Variants in GNAZ observed in about 807,000 individuals in gnomAD.
GNAZ encodes the protein guanine nucleotide-binding protein G(z) subunit alpha.
In GNAZ, 3 loss-of-function variants were observed where a neutral mutation model predicts 25.4. The ratio of observed to expected loss-of-function variants is 0.12; its 90% CI spans 0.05 to 0.30. The LOEUF is 0.30. GNAZ is among the 10% of genes least tolerant of loss of function. GNAZ has a pLI of 1.00. For missense variants in GNAZ, 241 were observed against 501.8 expected (o/e 0.48, Z 4.97); for synonymous variants, 211 against 205.7 (o/e 1.03, Z -0.22).
At chr22:23,087,665 G>T (rs986083019) in intron 1 of GNAZ, among the ~76,000 whole-genome samples, 5 of 152,220 alleles carry the variant, frequency 3.3e-5, no homozygotes, top group African/African-American at 1.2e-4. Context: ...TGGATGGGGG[G>T]TAGCCAGTGA....
At chr22:23,087,430 C>T (rs1172902494) in intron 1 of GNAZ, among the ~76,000 whole-genome samples, 3 of 152,152 alleles carry the variant, frequency 2.0e-5, no homozygotes, top group Admixed American at 2.0e-4. Context: ...TGCACTGCAG[C>T]TGGGTGACAG....
rs573369811 is a variant in GNAZ at position 23,087,770 on chromosome 22, G to A, written c.-449-7477G>A. On this transcript the variant is annotated intron_variant, in intron 1 of 2. Coordinates refer to ENST00000615612, the MANE Select transcript of GNAZ (RefSeq NM_002073.4). ...CTGCTCAGTCAGTTCCTGGGTGGGG[G>A]CCACAAGATCAGATGAGCCAGTTTA... Among the ~76,000 whole-genome samples, 8 of 152,262 alleles carry A rather than the reference G, an allele frequency of 5.3e-5. No individual in the cohort carries two copies. In the South Asian group the frequency reaches 1.7e-3, roughly 32 times the overall value.
chr22:23,071,272 C>T lies in GNAZ; in HGVS notation c.-450+702C>T, dbSNP rs779482844. Among the ~76,000 whole-genome samples the T allele has an allele frequency of 2.2e-4, 33 of 152,136 alleles. 1 individual carries two copies. The highest frequency in any genetic ancestry group is 3.5e-4 in the Non-Finnish European group (24 of 68,026). ...TGGCGCTCCGTATCCTGCGGGCGAT[C>T]CGAGGGGGCTCTGCCTTTAGGGCGG... On this transcript the variant is annotated intron_variant, in intron 1 of 2. Coordinates refer to ENST00000615612, the MANE Select transcript of GNAZ (RefSeq NM_002073.4). This position sits in a 1 kb window ranked among gnomAD's most constrained non-coding sequence, Gnocchi z 4.1.
intron 1 of GNAZ, among the ~76,000 whole-genome samples, chr22:23,074,769 G>A (rs2068469004): frequency 1.3e-5 from 2 of 152,182 alleles, no homozygotes; most frequent in South Asian, 4.1e-4. Context: ...GGCTGGAGAA[G>A]AGCGGGTCCC....
At chr22:23,086,554 A>G (rs2068825591) in intron 1 of GNAZ, among the ~76,000 whole-genome samples, 1 of 152,210 alleles carries the variant, frequency 6.6e-6, no homozygotes, top group African/African-American at 2.4e-5. Context: ...AGTTGAGGAA[A>G]GCACAGCAGA....
At chr22:23,073,160 CTGCTGACCATGGCAGG>C (rs1211404976) in intron 1 of GNAZ, among the ~76,000 whole-genome samples, 1 of 152,260 alleles carries the variant, frequency 6.6e-6, no homozygotes, top group African/African-American at 2.4e-5. Flanking sequence ...ACTCTCACTG[CTGCTGACCATGGCAGG>C]TGCACGGGCA....
intron 1 of GNAZ, among the ~76,000 whole-genome samples, chr22:23,081,821 C>CA (rs55713577): frequency 0.16 from 7,377 of 46,502 alleles, 735 homozygotes; most frequent in Non-Finnish European, 0.19. Flanking sequence ...GATTCCATCT[C>CA]AAAAAAAAAA....
At chr22:23,118,589 G>A (rs78148952) in intron 2 of GNAZ, among the ~76,000 whole-genome samples, 3,741 of 152,196 alleles carry the variant, frequency 0.025, 154 homozygotes, top group African/African-American at 0.086. Context: ...ACTGCACCCT[G>A]GGGAGTCAGC....
chr22:23,081,655 C>G (rs1236917702), intron 1 of GNAZ, among the ~76,000 whole-genome samples: 1 of 151,748 alleles, frequency 6.6e-6, no homozygotes, highest in Non-Finnish European at 1.5e-5. Flanking sequence ...AACCCTGTCT[C>G]TACTAAAAAT....
chr22:23,100,065 C>A (rs565446394), intron 2 of GNAZ, among the ~76,000 whole-genome samples: 87 of 152,398 alleles, frequency 5.7e-4, no homozygotes, highest in African/African-American at 2.0e-3. Context: ...GAGCTGTCAG[C>A]ATTCCCAGCC....
intron 2 of GNAZ, among the ~76,000 whole-genome samples, chr22:23,102,811 C>T (rs1478661730): frequency 6.6e-6 from 1 of 152,254 alleles, no homozygotes. Context: ...CACTCTGTCT[C>T]TTCCACCATG....
chr22:23,097,299 T>A (rs1163119588), intron 2 of GNAZ, among the ~76,000 whole-genome samples: 4 of 152,236 alleles, frequency 2.6e-5, no homozygotes. Flanking sequence ...AGGTCACTCC[T>A]TGCTTCACCC....
intron 1 of GNAZ, among the ~76,000 whole-genome samples, chr22:23,093,884 C>T (rs1217991772): frequency 6.6e-6 from 1 of 152,168 alleles, no homozygotes; most frequent in Non-Finnish European, 1.5e-5. Flanking sequence ...AGAACCTCTG[C>T]CCAGGGAGAG....
chr22:23,081,959 A>G (rs2068691474), intron 1 of GNAZ, among the ~76,000 whole-genome samples: 1 of 150,804 alleles, frequency 6.6e-6, no homozygotes, highest in South Asian at 2.1e-4. Context: ...CCTCATCTCT[A>G]CTAAAAATAC....
At chr22:23,108,881 C>A (rs958438213) in intron 2 of GNAZ, among the ~76,000 whole-genome samples, 2 of 152,208 alleles carry the variant, frequency 1.3e-5, no homozygotes, top group African/African-American at 4.8e-5. Flanking sequence ...AGGGTTTTGC[C>A]ATGCTCTTCT....
intron 1 of GNAZ, among the ~76,000 whole-genome samples, chr22:23,079,804 A>G (rs1219513657): frequency 6.6e-6 from 1 of 152,132 alleles, no homozygotes; most frequent in African/African-American, 2.4e-5. Flanking sequence ...TCCAGCCACA[A>G]CCTGTGGTGC....
chr22:23,124,994 AG>A lies in GNAZ; in HGVS notation c.*1565del, dbSNP rs1001579177. On this transcript the variant is annotated 3_prime_UTR_variant, in exon 3 of 3. Transcript: ENST00000615612. ...AAGCTGGGGATTGGATGAAAGTCAAAGGTTGTCTACTTTAAGAAAATAAAAT... is the reference window on the plus strand; with the variant it reads ...AAGCTGGGGATTGGATGAAAGTCAAAGTTGTCTACTTTAAGAAAATAAAAT... 1.1e-4 allele frequency: 17 copies of A among 152,410 alleles called. No individual in the cohort carries two copies. Among genetic ancestry groups the A allele is most frequent in the African/African-American group, 4.1e-4 (17 of 41,558 alleles). The allele number at this position is 152,410 out of a possible 1,614,324, so 9.4% of individuals were successfully genotyped here.
At chr22:23,074,897 G>A (rs1418407432) in intron 1 of GNAZ, among the ~76,000 whole-genome samples, 1 of 152,142 alleles carries the variant, frequency 6.6e-6, no homozygotes, top group Admixed American at 6.5e-5. Flanking sequence ...GGCCTGACAT[G>A]ATGGCGCACA....
intron 2 of GNAZ, among the ~76,000 whole-genome samples, chr22:23,115,523 C>T (rs928146616): frequency 6.6e-6 from 1 of 152,142 alleles, no homozygotes; most frequent in Admixed American, 6.5e-5. Flanking sequence ...GAGGGGGTCT[C>T]GGGTTGCCCA....
Sources: allele counts gnomAD v4.1 joint callset (sites outside exome capture counted in the v4.1 genomes callset), GRCh38; gene constraint gnomAD v4.1.1; non-coding constraint Gnocchi (gnomAD v3.1); transcripts MANE v1.5; gene names NCBI Gene and HGNC (gene_info 2026-07-23, HGNC 2026-07-21).